Variants in BSG observed in about 807,000 individuals in gnomAD.
The protein encoded by BSG is basigin (Ok blood group), also known as basigin.
Under a neutral mutation model 43.1 loss-of-function variants are expected in BSG, and 37 were observed. That is an observed-to-expected ratio of 0.86 (90% CI 0.66 to 1.13). The LOEUF (loss-of-function observed/expected upper bound fraction) is 1.13. Among genes scored for constraint, BSG ranks in the 50% most tolerant of loss-of-function variants. The pLI is 0.00. For synonymous variants in BSG, 309 were observed against 238.7 expected, an observed-to-expected ratio of 1.29 and a Z score of -2.72; for missense variants, 599 against 554.2, an observed-to-expected ratio of 1.08 and a Z score of -0.81.
chr19:582,254 G>A (rs1054255143), intron 6 of BSG, 52 bp from the exon 7 acceptor site: 275 of 1,602,650 alleles, frequency 1.7e-4, no homozygotes, highest in Non-Finnish European at 2.3e-4. Context: ...TGGGGCCAGT[G>A]CTGACAGGCT....
upstream of BSG, chr19:572,268 C>A: frequency 2.0e-6 from 1 of 491,702 alleles, no homozygotes; most frequent in Non-Finnish European, 2.6e-6. Context: ...ATCTGGGTAA[C>A]ACACTTTCAA....
At chr19:573,539 A>C (rs1271019524) in intron 1 of BSG, among the ~76,000 whole-genome samples, 1 of 151,922 alleles carries the variant, frequency 6.6e-6, no homozygotes, top group Non-Finnish European at 1.5e-5. Flanking sequence ...GTTCTCCCAG[A>C]CTCTTAAGAC....
Position 572,614 on chromosome 19 carries a change from G to C in BSG, c.-21G>C, listed in dbSNP as rs984521406. 1.3e-6 allele frequency: 2 copies of C among 1,489,956 alleles called. No homozygotes were observed. Among genetic ancestry groups the C allele is most frequent in the African/African-American group, 1.4e-5 (1 of 69,094 alleles). The allele number at this position is 1,489,956 out of a possible 1,614,324, so 92.3% of individuals were successfully genotyped here. On this transcript the variant is annotated 5_prime_UTR_variant, in exon 1 of 9. Transcript: ENST00000333511. ...CGGCGGCAGCGGTTGGAGGTTGTAGGACCGGCGAGGAATAGGAATCATGGC... is the reference window on the plus strand; with the variant it reads ...CGGCGGCAGCGGTTGGAGGTTGTAGCACCGGCGAGGAATAGGAATCATGGC...
chr19:582,675 A>G, intron 8 of BSG, 75 bp from the exon 9 acceptor site: 1 of 1,347,332 alleles, frequency 7.4e-7, no homozygotes. Flanking sequence ...TCTGCTAGCC[A>G]GGTGTGGGCT....
chr19:575,649 G>C (rs928154365), intron 1 of BSG, among the ~76,000 whole-genome samples: 1 of 151,690 alleles, frequency 6.6e-6, no homozygotes, highest in Non-Finnish European at 1.5e-5. Flanking sequence ...CTTATCCTGC[G>C]GGGCTGCTTG....
intron 1 of BSG, chr19:575,195 C>CGT (rs953617410): frequency 1.4e-4 from 21 of 152,278 alleles, no homozygotes; most frequent in South Asian, 8.3e-4. Flanking sequence ...CGTGTGTGCG[C>CGT]GTGTGTGTGT....
chr19:580,606 G>T, intron 4 of BSG, 40 bp from the exon 5 acceptor site: 2 of 1,611,468 alleles, frequency 1.2e-6, no homozygotes, highest in Admixed American at 1.7e-5. Context: ...ATGGGGGCGG[G>T]CCTGCGGTTC....
rs900407250 is a variant in BSG at position 577,953 on chromosome 19, G to A, written c.247G>A (p.Ala83Thr). 6 of 1,611,162 alleles carry A rather than the reference G, an allele frequency of 3.7e-6. No homozygotes were observed. The highest frequency in any genetic ancestry group is 1.3e-5 in the African/African-American group (1 of 75,018). Reference protein sequence around the residue: ...GARLDRVHIHATYHQHAASTI... With the variant: ...GARLDRVHIHTTYHQHAASTI... ...CCGGCTGGACCGCGTCCACATCCACGCCACCTACCACCAGCACGCGGCCAG... is the reference window on the plus strand; with the variant it reads ...CCGGCTGGACCGCGTCCACATCCACACCACCTACCACCAGCACGCGGCCAG... Residue 83 changes from alanine to threonine, a missense_variant, in exon 2 of 9, where the codon GCC becomes ACC. Ala to Thr is a moderately conservative substitution (Grantham distance 58). Coordinates refer to ENST00000333511, the MANE Select transcript of BSG (RefSeq NM_001728.4).
At chr19:579,436 G>T (rs766672517) in intron 2 of BSG, 64 bp from the exon 3 acceptor site, 13 of 1,600,636 alleles carry the variant, frequency 8.1e-6, no homozygotes, top group South Asian at 2.2e-5. Context: ...GTTCCTGGGG[G>T]TCAGGCAGGC....
At chr19:579,415 AG>A in intron 2 of BSG, 84 bp from the exon 3 acceptor site, 1 of 1,563,874 alleles carries the variant, frequency 6.4e-7, no homozygotes, top group South Asian at 1.1e-5. Flanking sequence ...CTTCCCGGGG[AG>A]GAGCCGCAGG....
At chr19:581,217 G>T in intron 5 of BSG, 98 bp from the exon 6 acceptor site, 12 of 1,266,174 alleles carry the variant, frequency 9.5e-6, no homozygotes, top group Non-Finnish European at 1.0e-5. Context: ...CGGACTGGGT[G>T]AGGGGCCTAG....
rs191389346 is a variant in BSG, at chr19:578,324, C to G, written c.415+203C>G. 9.4e-4 allele frequency: 466 copies of G among 494,738 alleles called. 1 individual carries two copies. The highest frequency in any genetic ancestry group is 8.6e-3 in the African/African-American group (432 of 50,068). 30.6% of individuals were successfully genotyped at this position (494,738 alleles called of 1,614,324 possible). A position where few individuals can be genotyped will look rare whatever the true frequency, so the allele number is the denominator to read the frequency against. ...ACCACCAGCGCTGGGCGGCCTGGCT[C>G]GGGGCAGGCAGGGCTCTGCCCTCCA... is the stretch of plus-strand genomic sequence containing the variant. On this transcript the variant is annotated intron_variant, in intron 2 of 8. Transcript: ENST00000333511.
intron 2 of BSG, 73 bp downstream of exon 2, chr19:578,194 C>T: frequency 1.5e-6 from 2 of 1,365,554 alleles, no homozygotes; most frequent in Non-Finnish European, 1.9e-6. Flanking sequence ...GGCTCCTGCT[C>T]AGTAGAACCC....
intron 1 of BSG, among the ~76,000 whole-genome samples, chr19:574,253 T>TAAA (rs11420107): frequency 6.3e-5 from 8 of 127,030 alleles, no homozygotes; most frequent in African/African-American, 2.1e-4. Flanking sequence ...ACTCTGTCTT[T>TAAA]AAAAAAAAAA....
rs1467761344 is a variant in BSG, at chr19:578,009, G to A, written c.303G>A (p.Glu101=). 5 of 1,612,074 alleles carry A rather than the reference G, an allele frequency of 3.1e-6. No homozygotes were observed. The highest frequency in any genetic ancestry group is 1.7e-4 in the Middle Eastern group (1 of 6,056). ...TCTCCATCGACACGCTCGTGGAGGA[G>A]GACACGGGCACTTACGAGTGCCGGG... The part of the protein sequence containing the change: ...STISIDTLVE[E]DTGTYECRAS... Residue 101 remains glutamate (E), a synonymous_variant, in exon 2 of 9, where the codon GAG becomes GAA. Coordinates refer to ENST00000333511, the MANE Select transcript of BSG (RefSeq NM_001728.4).
At chr19:579,360 T>G in intron 2 of BSG, 140 bp from the exon 3 acceptor site, 1 of 1,193,930 alleles carries the variant, frequency 8.4e-7, no homozygotes, top group Non-Finnish European at 1.2e-6. Context: ...CCTCCGGTCC[T>G]CGGGGCGTAA....
At chr19:574,662 C>G (rs958009010) in intron 1 of BSG, among the ~76,000 whole-genome samples, 1 of 152,358 alleles carries the variant, frequency 6.6e-6, no homozygotes, top group East Asian at 1.9e-4. Flanking sequence ...GAGCCTCTGT[C>G]CTGGGCATTG....
intron 2 of BSG, 42 bp downstream of exon 2, chr19:578,163 C>A: frequency 6.8e-7 from 1 of 1,473,568 alleles, no homozygotes; most frequent in South Asian, 1.4e-5. Flanking sequence ...CTCAGTTTCC[C>A]TCCTGTGCCG....
Position 577,770 on chromosome 19 carries a change from A to G in BSG, c.68-4A>G, listed in dbSNP as rs1355725876. 2.1e-6 allele frequency: 3 copies of G among 1,412,006 alleles called. No individual in the cohort carries two copies. Among genetic ancestry groups the G allele is most frequent in the Non-Finnish European group, 2.8e-6 (3 of 1,081,352 alleles). 87.5% of individuals were successfully genotyped at this position (1,412,006 alleles called of 1,614,324 possible). A position where few individuals can be genotyped will look rare whatever the true frequency, so the allele number is the denominator to read the frequency against. The stretch of plus-strand genomic sequence containing the variant: ...ACAAGACCCCACGCGTGCTCTCCCC[A>G]CAGCCGGCTTCGTCCAGGCGCCGCT... On this transcript the variant is annotated splice_region_variant and splice_polypyrimidine_tract_variant and intron_variant, in intron 1 of 8. Coordinates refer to ENST00000333511, the MANE Select transcript of BSG (RefSeq NM_001728.4).
Sources: gnomAD v4.1 joint callset for allele counts (sites outside exome capture counted in the v4.1 genomes callset) on GRCh38, gnomAD v4.1.1 for gene constraint, MANE v1.5 for transcripts, NCBI Gene and HGNC (gene_info 2026-07-23, HGNC 2026-07-21) for gene names.